Variants in CTPS1 observed in about 807,000 individuals in gnomAD.
The protein encoded by CTPS1 is CTP synthase 1.
In CTPS1, 25 loss-of-function variants were observed where a neutral mutation model predicts 80.5. The ratio of observed to expected loss-of-function variants is 0.31; its 90% CI spans 0.23 to 0.43. CTPS1 has a LOEUF of 0.43. Among genes scored for constraint, CTPS1 ranks in the 20% least tolerant of loss-of-function variants. The probability of loss-of-function intolerance (pLI) is 1.00; values close to 1 mark genes in which losing one functional copy is unlikely to be tolerated. For synonymous variants in CTPS1, 267 were observed against 252.5 expected, an observed-to-expected ratio of 1.06 and a Z score of -0.54; for missense variants, 442 against 725.7, an observed-to-expected ratio of 0.61 and a Z score of 4.49.
intron 5 of CTPS1, 27 bp downstream of exon 5, chr1:40,988,737 TTG>T (rs780457128): frequency 6.8e-7 from 1 of 1,478,098 alleles, no homozygotes; most frequent in South Asian, 1.1e-5. Flanking sequence ...AAGTTTTACT[TTG>T]GGGGAGATGG....
rs925621658 is a variant in CTPS1 at position 41,009,318 on chromosome 1, C to G, written c.1547-127C>G. The G allele has an allele frequency of 1.3e-5, 13 of 999,714 alleles. No individual in the cohort carries two copies. The Admixed American group carries it at 3.7e-4, about 29-fold the overall frequency. The allele number at this position is 999,714 out of a possible 1,614,324, so 61.9% of individuals were successfully genotyped here. A position where few individuals can be genotyped will look rare whatever the true frequency, so the allele number is the denominator to read the frequency against. Reference sequence around the variant, plus strand: ...CTTTGAGGTTCCCTTTATCTAGATTCAAATGAGAAAGTCATTTTCAAATTA... The same window carrying G: ...CTTTGAGGTTCCCTTTATCTAGATTGAAATGAGAAAGTCATTTTCAAATTA... On this transcript the variant is annotated intron_variant, in intron 16 of 18. Transcript: ENST00000650070.
At chr1:40,989,967 T>G (rs1642558903) in intron 5 of CTPS1, among the ~76,000 whole-genome samples, 1 of 152,128 alleles carries the variant, frequency 6.6e-6, no homozygotes, top group Admixed American at 6.5e-5. Context: ...GCTCAGAAGT[T>G]CTAATGTCCA....
chr1:41,005,646 C>T (rs144318862), intron 12 of CTPS1, among the ~76,000 whole-genome samples: 159 of 152,258 alleles, frequency 1.0e-3, no homozygotes, highest in Non-Finnish European at 1.5e-3. Flanking sequence ...GTGGCTTGCA[C>T]CTGTAATCCC....
intron 9 of CTPS1, among the ~76,000 whole-genome samples, chr1:40,998,398 A>T (rs1204531092): frequency 3.8e-5 from 1 of 26,368 alleles, no homozygotes; most frequent in Non-Finnish European, 6.4e-5. Context: ...ACTCTGTCTA[A>T]AAAAAAAAAA....
chr1:40,997,548 C>T, intron 9 of CTPS1, 22 bp downstream of exon 9: 1 of 1,612,358 alleles, frequency 6.2e-7, no homozygotes, highest in Non-Finnish European at 8.5e-7. Context: ...GGCACAGGTA[C>T]AGCCAAAGGA....
intron 15 of CTPS1, 27 bp downstream of exon 15, chr1:41,008,741 T>G: frequency 1.2e-6 from 2 of 1,614,006 alleles, no homozygotes; most frequent in East Asian, 2.2e-5. Flanking sequence ...GCTGGTACTC[T>G]GGAAAGATAG....
chr1:40,981,914 C>G (rs1642316708), intron 1 of CTPS1: 1 of 1,175,222 alleles, frequency 8.5e-7, no homozygotes, highest in African/African-American at 1.6e-5. Context: ...CCTTAGTTTT[C>G]TTGTTCCTTA....
chr1:40,981,761 G>C (rs1642304787), intron 1 of CTPS1, among the ~76,000 whole-genome samples: 1 of 151,782 alleles, frequency 6.6e-6, no homozygotes, highest in Middle Eastern at 3.2e-3. Flanking sequence ...AAACCAGGGA[G>C]CATGCTTTTG....
rs1020313419 is a variant in CTPS1, at chr1:41,012,097, G to C, written c.*449G>C. 3 of 152,212 alleles carry C rather than the reference G, an allele frequency of 2.0e-5. No homozygotes were observed. Among genetic ancestry groups the C allele is most frequent in the Non-Finnish European group, 2.9e-5 (2 of 68,060 alleles). The allele number at this position is 152,212 out of a possible 1,614,324, so 9.4% of individuals were successfully genotyped here. On this transcript the variant is annotated 3_prime_UTR_variant, in exon 19 of 19. Transcript: ENST00000650070. ...AACACTTGGTGCTGGGAACCTCAGG[G>C]TATTGCTTGCCACTAAGCCATGAAA...
chr1:40,985,053 C>T, intron 3 of CTPS1, 62 bp downstream of exon 3: 1 of 1,177,112 alleles, frequency 8.5e-7, no homozygotes, highest in South Asian at 2.4e-5. Context: ...TTCTCCCTCC[C>T]ACCTCTACAC....
chr1:41,009,107 G>A (rs529409755), intron 16 of CTPS1, among the ~76,000 whole-genome samples: 2 of 152,252 alleles, frequency 1.3e-5, no homozygotes, highest in South Asian at 4.1e-4. Context: ...ACTTCTGGCC[G>A]CAGTTTCTCC....
chr1:41,002,481 G>T (rs1041422541), intron 11 of CTPS1, among the ~76,000 whole-genome samples: 1 of 152,106 alleles, frequency 6.6e-6, no homozygotes, highest in Non-Finnish European at 1.5e-5. Context: ...TTGAGAGAAT[G>T]AATTGTGAAT....
chr1:40,989,142 A>AC (rs1180860497), intron 5 of CTPS1, among the ~76,000 whole-genome samples: 1 of 152,188 alleles, frequency 6.6e-6, no homozygotes, highest in East Asian at 1.9e-4. Context: ...GCCCTGCAGA[A>AC]CCCCAAAAGC....
At chr1:40,983,574 C>A in intron 2 of CTPS1, 118 bp downstream of exon 2, 1 of 743,550 alleles carries the variant, frequency 1.3e-6, no homozygotes, top group Non-Finnish European at 2.2e-6. Flanking sequence ...TCCCTTAATA[C>A]AGCAGAATGA....
chr1:41,006,037 T>C lies in CTPS1; in HGVS notation c.1253-14T>C, dbSNP rs1416627077. Reference sequence around the variant, plus strand: ...TTTGTAACTATTTTCATAACAAGTATTTTGGTATTTCAGATGCCAATTCTA... The same window carrying C: ...TTTGTAACTATTTTCATAACAAGTACTTTGGTATTTCAGATGCCAATTCTA... On this transcript the variant is annotated splice_polypyrimidine_tract_variant and intron_variant, in intron 12 of 18. Coordinates refer to ENST00000650070, the MANE Select transcript of CTPS1 (RefSeq NM_001905.4). The C allele has an allele frequency of 6.2e-7, 1 of 1,604,814 alleles. No individual in the cohort carries two copies. Among genetic ancestry groups the C allele is most frequent in the Non-Finnish European group, 8.5e-7 (1 of 1,171,470 alleles).
chr1:40,998,660 G>C (rs991824463), intron 9 of CTPS1, among the ~76,000 whole-genome samples: 1 of 152,142 alleles, frequency 6.6e-6, no homozygotes, highest in African/African-American at 2.4e-5. Flanking sequence ...CCTCCCTTCT[G>C]CCTGTCCCCT....
chr1:40,993,625 C>T lies in CTPS1; in HGVS notation c.720+1780C>T, dbSNP rs541986650. Among the ~76,000 whole-genome samples the T allele has an allele frequency of 3.7e-4, 56 of 152,276 alleles. No homozygotes were observed. The South Asian group carries it at 0.011, about 29-fold the overall frequency. ...AAATGTTGAGATTACAGGCGTGAGCCGGCAATGCCCAGCCTTACTTACTCT... is the reference window on the plus strand; with the variant it reads ...AAATGTTGAGATTACAGGCGTGAGCTGGCAATGCCCAGCCTTACTTACTCT... On this transcript the variant is annotated intron_variant, in intron 7 of 18. Coordinates refer to ENST00000650070, the MANE Select transcript of CTPS1 (RefSeq NM_001905.4).
chr1:41,004,175 T>C (rs1471849828), intron 12 of CTPS1: 4 of 152,288 alleles, frequency 2.6e-5, no homozygotes, highest in African/African-American at 9.6e-5. Flanking sequence ...ATTTATTCTC[T>C]GTAGCCCACC....
chr1:40,988,165 T>C (rs188372151), intron 4 of CTPS1, among the ~76,000 whole-genome samples: 207 of 152,290 alleles, frequency 1.4e-3, no homozygotes, highest in African/African-American at 4.7e-3. Flanking sequence ...CTGCCTGCCT[T>C]GGCCTCCCAA....
Sources: allele counts gnomAD v4.1 joint callset (sites outside exome capture counted in the v4.1 genomes callset), GRCh38; gene constraint gnomAD v4.1.1; transcripts MANE v1.5; gene names NCBI Gene and HGNC (gene_info 2026-07-23, HGNC 2026-07-21).